The following APPBP2 variants were observed in gnomAD, a reference collection of about 807,000 sequenced individuals.
The protein encoded by APPBP2 is amyloid protein-binding protein 2.
In APPBP2, 15 loss-of-function variants were observed where a neutral mutation model predicts 76.0. The observed-to-expected ratio is 0.20, with a 90% CI of 0.13 to 0.30. APPBP2 has a LOEUF of 0.30. Among genes scored for constraint, APPBP2 ranks in the 10% least tolerant of loss-of-function variants. APPBP2 has a pLI of 1.00. For synonymous variants in APPBP2, 222 were observed against 242.2 expected, an observed-to-expected ratio of 0.92 and a Z score of 0.77; for missense variants, 401 against 687.2, an observed-to-expected ratio of 0.58 and a Z score of 4.66.
chr17:60,470,142 G>C (rs1021169996), intron 4 of APPBP2, among the ~76,000 whole-genome samples: 7 of 151,648 alleles, frequency 4.6e-5, no homozygotes, highest in Admixed American at 4.6e-4. Context: ...CATTATGTTT[G>C]ATTTCCATTT....
Position 60,456,276 on chromosome 17 carries a change from G to A in APPBP2, c.1147+20C>T, listed in dbSNP as rs774839482. 3.4e-6 allele frequency: 5 copies of A among 1,472,362 alleles called. No homozygotes were observed. Among genetic ancestry groups the A allele is most frequent in the Non-Finnish European group, 3.8e-6 (4 of 1,052,802 alleles). 91.2% of individuals were successfully genotyped at this position (1,472,362 alleles called of 1,614,324 possible). On this transcript the variant is annotated intron_variant, in intron 10 of 12. Coordinates refer to ENST00000083182, the MANE Select transcript of APPBP2 (RefSeq NM_006380.5). ...ATATCATCTATTTTAAAATATCTGA[G>A]ACTAGATTACAAAGGATACCTTTCA...
chr17:60,477,705 C>T (rs2090600625), intron 4 of APPBP2, among the ~76,000 whole-genome samples: 1 of 139,580 alleles, frequency 7.2e-6, no homozygotes, highest in South Asian at 2.2e-4. Flanking sequence ...TTGCATATTA[C>T]AAAATTAACT....
In APPBP2 at chr17:60,503,519, GGGAT is replaced by G. The variant is rs571625002; in HGVS notation, c.139-3036_139-3033del. The stretch of plus-strand genomic sequence containing the variant: ...CCTTGCTTCAGCCTCTGGAGTAGCT[GGGAT>G]TACAGGCGCCCGCCACCACGCCCAG... On this transcript the variant is annotated intron_variant, in intron 1 of 12. Coordinates refer to ENST00000083182, the MANE Select transcript of APPBP2 (RefSeq NM_006380.5). Among the ~76,000 whole-genome samples, 938 of 144,524 alleles carry G rather than the reference GGGAT, an allele frequency of 6.5e-3. 194 individuals carry two copies. The highest frequency in any genetic ancestry group is 0.025 in the African/African-American group (882 of 34,684). The allele number at this position is 144,524 out of a possible 152,430, so 94.8% of individuals were successfully genotyped here. A position where few individuals can be genotyped will look rare whatever the true frequency, so the allele number is the denominator to read the frequency against.
chr17:60,460,377 T>G (rs544618705), intron 9 of APPBP2: 21 of 179,016 alleles, frequency 1.2e-4, no homozygotes, highest in Admixed American at 5.2e-4. Flanking sequence ...TTTAAAAATT[T>G]TTTGAGTAGA....
At chr17:60,475,236 AAAAC>A (rs1270305875) in intron 4 of APPBP2, among the ~76,000 whole-genome samples, 1 of 147,756 alleles carries the variant, frequency 6.8e-6, no homozygotes, top group Non-Finnish European at 1.5e-5. Flanking sequence ...AAAAAAAACA[AAAAC>A]AAAAAACAAA....
At chr17:60,462,499 A>G (rs1422233058) in intron 6 of APPBP2, 2 of 159,352 alleles carry the variant, frequency 1.3e-5, no homozygotes, top group Non-Finnish European at 2.7e-5. Context: ...TTTCCTATTA[A>G]TTCTTTTCTT....
At chr17:60,464,411 A>G (rs2090496313) in intron 5 of APPBP2, among the ~76,000 whole-genome samples, 1 of 152,172 alleles carries the variant, frequency 6.6e-6, no homozygotes, top group African/African-American at 2.4e-5. Context: ...TCTGCCTTAA[A>G]ATACATTCCC....
intron 3 of APPBP2, among the ~76,000 whole-genome samples, chr17:60,490,468 T>C (rs2090718908): frequency 6.6e-6 from 1 of 152,102 alleles, no homozygotes; most frequent in East Asian, 1.9e-4. Flanking sequence ...GCCCAGGAGT[T>C]CAAGACCAGC....
At chr17:60,514,141 T>C (rs2090943865) in intron 1 of APPBP2, among the ~76,000 whole-genome samples, 1 of 151,822 alleles carries the variant, frequency 6.6e-6, no homozygotes, top group Non-Finnish European at 1.5e-5. Flanking sequence ...ATCTCATCTC[T>C]ACAAAAAATA....
At chr17:60,479,784 C>T (rs73990468) in intron 3 of APPBP2, among the ~76,000 whole-genome samples, 2,290 of 152,188 alleles carry the variant, frequency 0.015, 49 homozygotes, top group African/African-American at 0.051. Flanking sequence ...GAGGATTCTG[C>T]CTCCTAAATA....
chr17:60,514,386 G>A (rs1463549008), intron 1 of APPBP2, among the ~76,000 whole-genome samples: 1 of 152,028 alleles, frequency 6.6e-6, no homozygotes, highest in Non-Finnish European at 1.5e-5. Context: ...CAGGAAGACC[G>A]CCTAATGCCA....
chr17:60,494,856 G>A (rs1328710910), intron 2 of APPBP2, among the ~76,000 whole-genome samples: 1 of 152,072 alleles, frequency 6.6e-6, no homozygotes, highest in Non-Finnish European at 1.5e-5. Flanking sequence ...GTAACTTGAT[G>A]ACAAGGAAGG....
chr17:60,494,984 G>GTTTTTTTTTT (rs60043373), intron 2 of APPBP2, among the ~76,000 whole-genome samples: 48 of 107,002 alleles, frequency 4.5e-4, no homozygotes, highest in Non-Finnish European at 6.9e-4. Flanking sequence ...GTTTTGTTTT[G>GTTTTTTTTTT]TTTTTTTTTT....
Position 60,494,458 on chromosome 17 carries a change from T to C in APPBP2, c.379+8A>G. ...AGGACAAAATACTTCTGTTCCACCATTACTTACCTAAAACAAAGCCAACCT... is the reference window on the plus strand; with the variant it reads ...AGGACAAAATACTTCTGTTCCACCACTACTTACCTAAAACAAAGCCAACCT... On this transcript the variant is annotated splice_region_variant and intron_variant, in intron 3 of 12. Transcript: ENST00000083182. 1.2e-6 allele frequency: 2 copies of C among 1,604,316 alleles called. No individual in the cohort carries two copies. Among genetic ancestry groups the C allele is most frequent in the East Asian group, 2.2e-5 (1 of 44,792 alleles).
chr17:60,468,972 C>T (rs185580528), intron 4 of APPBP2, among the ~76,000 whole-genome samples: 2 of 152,170 alleles, frequency 1.3e-5, no homozygotes, highest in African/African-American at 2.4e-5. Context: ...TAGTTAGAGC[C>T]TCATCAGCCA....
intron 1 of APPBP2, among the ~76,000 whole-genome samples, chr17:60,516,138 C>T (rs1009458199): frequency 1.3e-5 from 2 of 151,350 alleles, no homozygotes; most frequent in African/African-American, 2.4e-5. Flanking sequence ...ACTCCTGCCT[C>T]GGAGGAAGAG....
intron 4 of APPBP2, among the ~76,000 whole-genome samples, chr17:60,469,575 T>C (rs962903556): frequency 2.0e-5 from 3 of 152,202 alleles, no homozygotes; most frequent in Admixed American, 6.6e-5. Context: ...TAGTAACCTT[T>C]AATCTACTTT....
At chr17:60,492,593 T>G (rs960435382) in intron 3 of APPBP2, among the ~76,000 whole-genome samples, 2 of 152,232 alleles carry the variant, frequency 1.3e-5, no homozygotes, top group African/African-American at 4.8e-5. Context: ...TTTTGGAGCT[T>G]TATGATTTGA....
chr17:60,471,362 T>C (rs2090551329), intron 4 of APPBP2, among the ~76,000 whole-genome samples: 1 of 152,200 alleles, frequency 6.6e-6, no homozygotes, highest in South Asian at 2.1e-4. Flanking sequence ...TGAATACCAC[T>C]AGTGAAAGCA....
Sources: allele counts gnomAD v4.1 joint callset (sites outside exome capture counted in the v4.1 genomes callset), GRCh38; gene constraint gnomAD v4.1.1; transcripts MANE v1.5; gene names NCBI Gene and HGNC (gene_info 2026-07-23, HGNC 2026-07-21).